The following SLC4A4 variants were observed in gnomAD, a reference collection of about 807,000 sequenced individuals.
SLC4A4 encodes solute carrier family 4 member 4.
Under a neutral mutation model 111.5 loss-of-function variants are expected in SLC4A4, and 27 were observed. The observed-to-expected ratio is 0.24, with a 90% CI of 0.18 to 0.33. SLC4A4 has a LOEUF of 0.33. Ranked by LOEUF, SLC4A4 falls within the 10% of genes least tolerant of loss-of-function variation. The probability of loss-of-function intolerance (pLI) is 1.00; values close to 1 mark genes in which losing one functional copy is unlikely to be tolerated. For synonymous variants in SLC4A4, 443 were observed against 463.4 expected (o/e 0.96, Z 0.57); for missense variants, 909 against 1,315.5 (o/e 0.69, Z 4.78).
Position 71,192,823 on chromosome 4 carries a change from T to A in SLC4A4, c.-2+5422T>A, listed in dbSNP as rs2602080. On this transcript the variant is annotated intron_variant, in intron 1 of 25. Transcript: ENST00000264485. ...ACCAAAATATAGACCATTGCTGGCA[T>A]CCGGAAGTCTCCTCTAACTCCCTCT... Among the ~76,000 whole-genome samples the A allele has an allele frequency of 7.9e-4, 120 of 152,332 alleles. 2 individuals are homozygous for A. Among genetic ancestry groups the A allele is most frequent in the African/African-American group, 2.5e-3 (104 of 41,572 alleles).
chr4:71,292,832 G>GT (rs1560384000), intron 3 of SLC4A4, among the ~76,000 whole-genome samples: 16 of 138,378 alleles, frequency 1.2e-4, no homozygotes, highest in Admixed American at 4.6e-4. Flanking sequence ...TCTTACTTTT[G>GT]GTTTTTTTTG....
At chr4:71,363,809 G>A (rs781222895) in intron 6 of SLC4A4, among the ~76,000 whole-genome samples, 9 of 152,040 alleles carry the variant, frequency 5.9e-5, no homozygotes, top group Admixed American at 5.9e-4. Flanking sequence ...CCCAAATAAC[G>A]ATCAAGCTCT....
At chr4:71,178,771 A>T (rs1288691897) in intron 2 of SLC4A4, among the ~76,000 whole-genome samples, 1 of 152,206 alleles carries the variant, frequency 6.6e-6, no homozygotes, top group Non-Finnish European at 1.5e-5. Flanking sequence ...ATTCTACCAG[A>T]GGTACAAGGA....
intron 2 of SLC4A4, among the ~76,000 whole-genome samples, chr4:71,161,320 A>G (rs1006377139): frequency 6.6e-6 from 1 of 152,190 alleles, no homozygotes; most frequent in African/African-American, 2.4e-5. Context: ...CTCTACACGA[A>G]CACTTATTGC....
intron 21 of SLC4A4, 122 bp from the exon 22 acceptor site, chr4:71,557,590 T>C: frequency 1.1e-6 from 1 of 936,882 alleles, no homozygotes; most frequent in South Asian, 1.4e-5. Context: ...GACCATTCCT[T>C]TGTCCTCTGA....
intron 3 of SLC4A4, among the ~76,000 whole-genome samples, chr4:71,283,971 A>G (rs1230946007): frequency 6.6e-6 from 1 of 152,212 alleles, no homozygotes; most frequent in Non-Finnish European, 1.5e-5. Flanking sequence ...GTCAGCTTTC[A>G]GGAATAAAGT....
chr4:71,319,619 G>A (rs1441408536), intron 3 of SLC4A4, among the ~76,000 whole-genome samples: 1 of 151,996 alleles, frequency 6.6e-6, no homozygotes, highest in Non-Finnish European at 1.5e-5. Context: ...AAGAAAAGAT[G>A]AGATCAAAAG....
intron 3 of SLC4A4, among the ~76,000 whole-genome samples, chr4:71,329,482 T>C (rs1727788344): frequency 6.6e-6 from 1 of 152,076 alleles, no homozygotes; most frequent in Admixed American, 6.6e-5. Context: ...TTGTTATGTC[T>C]TCAATTTCGT....
intron 7 of SLC4A4, among the ~76,000 whole-genome samples, chr4:71,424,699 G>A (rs1314756979): frequency 2.0e-5 from 3 of 152,112 alleles, no homozygotes; most frequent in Admixed American, 2.0e-4. Flanking sequence ...TAGGGACATG[G>A]ATGAAATTGG....
intron 12 of SLC4A4, among the ~76,000 whole-genome samples, chr4:71,454,954 T>A (rs1199952253): frequency 1.3e-5 from 2 of 152,124 alleles, no homozygotes; most frequent in East Asian, 3.9e-4. Context: ...AGCTAGGATG[T>A]CCAGAATATT....
chr4:71,093,739 A>C (rs1742456602), intron 2 of SLC4A4, among the ~76,000 whole-genome samples: 1 of 152,170 alleles, frequency 6.6e-6, no homozygotes, highest in Admixed American at 6.5e-5. Flanking sequence ...TTGATATTAA[A>C]GTTTTTCTTT....
intron 14 of SLC4A4, among the ~76,000 whole-genome samples, 160 bp from the exon 15 acceptor site, chr4:71,486,788 G>A (rs1031432334): frequency 2.0e-5 from 3 of 151,188 alleles, no homozygotes; most frequent in Admixed American, 2.0e-4. Flanking sequence ...CTAGGTGAAA[G>A]GTGAACACAT....
chr4:71,442,324 A>G (rs1256452764), intron 8 of SLC4A4, among the ~76,000 whole-genome samples: 1 of 152,182 alleles, frequency 6.6e-6, no homozygotes, highest in Admixed American at 6.5e-5. Flanking sequence ...ATACAGCATC[A>G]CTTAAATTAG....
At chr4:71,325,967 A>G (rs1486856665) in intron 3 of SLC4A4, among the ~76,000 whole-genome samples, 1 of 151,892 alleles carries the variant, frequency 6.6e-6, no homozygotes, top group Non-Finnish European at 1.5e-5. Flanking sequence ...TTTTATTTAT[A>G]AAGGTGAAAA....
chr4:71,275,511 A>C (rs959202902), intron 3 of SLC4A4, among the ~76,000 whole-genome samples: 1 of 152,250 alleles, frequency 6.6e-6, no homozygotes, highest in Non-Finnish European at 1.5e-5. Flanking sequence ...GATAGATTCT[A>C]TAACTGGTTC....
intron 18 of SLC4A4, among the ~76,000 whole-genome samples, chr4:71,541,326 T>C (rs573333857): frequency 9.9e-5 from 15 of 151,898 alleles, no homozygotes; most frequent in African/African-American, 3.4e-4. Flanking sequence ...AACAGGGACG[T>C]TTGTGGTGAG....
intron 16 of SLC4A4, among the ~76,000 whole-genome samples, chr4:71,508,906 C>T (rs570858925): frequency 2.6e-5 from 4 of 152,260 alleles, no homozygotes; most frequent in South Asian, 4.1e-4. Context: ...TTATCCACCA[C>T]GATCAAGTAG....
chr4:71,124,162 C>A (rs1743502609), intron 2 of SLC4A4, among the ~76,000 whole-genome samples: 1 of 138,544 alleles, frequency 7.2e-6, no homozygotes, highest in Non-Finnish European at 1.5e-5. Context: ...AATCAAACAC[C>A]CTAGGCCCAC....
At chr4:71,459,914 T>A (rs1461172735) in intron 12 of SLC4A4, among the ~76,000 whole-genome samples, 1 of 152,096 alleles carries the variant, frequency 6.6e-6, no homozygotes, top group African/African-American at 2.4e-5. Flanking sequence ...TTTCTTTGAT[T>A]ACTTAGTGAG....
Sources: allele counts gnomAD v4.1 joint callset (sites outside exome capture counted in the v4.1 genomes callset), GRCh38; gene constraint gnomAD v4.1.1; transcripts MANE v1.5; gene names NCBI Gene and HGNC (gene_info 2026-07-23, HGNC 2026-07-21).